The following NCOA7 variants were observed in gnomAD, a reference collection of about 807,000 sequenced individuals.
NCOA7 encodes the protein nuclear receptor coactivator 7, also known as 140 kDa estrogen receptor-associated protein.
A neutral mutation model predicts 104.3 loss-of-function variants in NCOA7; 45 were observed. The ratio of observed to expected loss-of-function variants is 0.43; its 90% CI spans 0.34 to 0.55. The LOEUF is 0.55. Ranked by LOEUF, NCOA7 falls within the 20% of genes least tolerant of loss-of-function variation. The pLI is 0.02. For synonymous variants in NCOA7, 398 were observed against 402.3 expected (o/e 0.99, Z 0.13); for missense variants, 1,041 against 1,119.7 (o/e 0.93, Z 1.00).
At chr6:125,882,329 A>C (rs1001431607) in intron 6 of NCOA7, 97 bp from the exon 7 acceptor site, 4 of 1,237,626 alleles carry the variant, frequency 3.2e-6, no homozygotes, top group Non-Finnish European at 4.5e-6. Context: ...TTAAATAGAA[A>C]TAGTATACTC....
rs138353590 is a variant in NCOA7, at chr6:125,840,027, G to A, written c.51-14993G>A. Among the ~76,000 whole-genome samples the A allele has an allele frequency of 5.3e-3, 799 of 151,948 alleles. 3 individuals carry two copies. The highest frequency in any genetic ancestry group is 8.0e-3 in the Non-Finnish European group (546 of 67,976). Reference sequence around the variant, plus strand: ...TCTTTCAGGAGGTGTTCCAGAAAAAGGCATTGTTATCATAGGAGAGGATAC... The same window carrying A: ...TCTTTCAGGAGGTGTTCCAGAAAAAAGCATTGTTATCATAGGAGAGGATAC... On this transcript the variant is annotated intron_variant, in intron 2 of 15. Transcript: ENST00000392477.
In NCOA7 at chr6:125,807,321, A is replaced by G. The variant is rs538713732; in HGVS notation, c.-64-7970A>G. ...CCATCCTGTTTGTTCTAATTTCCCT[A>G]TAGTGTGAGATCCCTAGCTAAATGC... On this transcript the variant is annotated intron_variant, in intron 1 of 15. Transcript: ENST00000392477. Among the ~76,000 whole-genome samples, 7 of 152,254 alleles carry G rather than the reference A, an allele frequency of 4.6e-5. No homozygotes were observed. The East Asian group carries it at 1.3e-3, about 29-fold the overall frequency.
intron 2 of NCOA7, among the ~76,000 whole-genome samples, chr6:125,819,227 C>T (rs1054982315): frequency 2.0e-4 from 30 of 151,886 alleles, no homozygotes; most frequent in African/African-American, 7.3e-4. Flanking sequence ...TTTGCCAAAC[C>T]TGTTTTGTTG....
At chr6:125,808,957 T>G (rs190793803) in intron 1 of NCOA7, among the ~76,000 whole-genome samples, 1 of 152,298 alleles carries the variant, frequency 6.6e-6, no homozygotes, top group African/African-American at 2.4e-5. Context: ...AGGCAGAGAA[T>G]AATGGAATAG....
intron 2 of NCOA7, among the ~76,000 whole-genome samples, chr6:125,828,269 C>G (rs1423237635): frequency 1.3e-5 from 2 of 152,148 alleles, no homozygotes; most frequent in Non-Finnish European, 2.9e-5. Flanking sequence ...GAGAGAATTT[C>G]AAGGAGCGAA....
chr6:125,901,657 C>T (rs1785516505), intron 10 of NCOA7, among the ~76,000 whole-genome samples: 1 of 152,200 alleles, frequency 6.6e-6, no homozygotes, highest in African/African-American at 2.4e-5. Flanking sequence ...AAACAGTGCT[C>T]TTTTAGCATT....
chr6:125,886,457 T>C (rs1784271189), intron 8 of NCOA7, among the ~76,000 whole-genome samples: 1 of 152,218 alleles, frequency 6.6e-6, no homozygotes. Context: ...TATTTAATAA[T>C]AGACAGTACA....
intron 3 of NCOA7, among the ~76,000 whole-genome samples, chr6:125,856,295 C>T (rs1314577477): frequency 6.6e-6 from 1 of 152,018 alleles, no homozygotes; most frequent in Non-Finnish European, 1.5e-5. Flanking sequence ...CAACTTGGTC[C>T]TCATTAATAC....
At chr6:125,901,288 G>A (rs1013142456) in intron 10 of NCOA7, among the ~76,000 whole-genome samples, 11 of 152,140 alleles carry the variant, frequency 7.2e-5, no homozygotes, top group Admixed American at 2.0e-4. Flanking sequence ...TGAGTTTCGG[G>A]ATTATATTTT....
chr6:125,845,041 C>T (rs941329841), intron 2 of NCOA7, among the ~76,000 whole-genome samples: 5 of 152,118 alleles, frequency 3.3e-5, no homozygotes, highest in South Asian at 4.1e-4. Flanking sequence ...TTTGGTAACT[C>T]GCCAAAGGAT....
intron 1 of NCOA7, among the ~76,000 whole-genome samples, chr6:125,782,064 T>C (rs1407448087): frequency 4.6e-5 from 7 of 152,208 alleles, no homozygotes; most frequent in Admixed American, 4.6e-4. Flanking sequence ...TAAGCCTTAG[T>C]ATTTAAAAAA....
intron 2 of NCOA7, among the ~76,000 whole-genome samples, chr6:125,835,923 T>G (rs1779573798): frequency 6.6e-6 from 1 of 152,234 alleles, no homozygotes; most frequent in African/African-American, 2.4e-5. Flanking sequence ...CAGTGAGTTT[T>G]TAGACACTGT....
At chr6:125,928,325 T>C in intron 15 of NCOA7, 78 bp downstream of exon 15, 1 of 1,310,168 alleles carries the variant, frequency 7.6e-7, no homozygotes, top group Non-Finnish European at 1.1e-6. Context: ...ACCTACGTAG[T>C]TAAAACTTCG....
chr6:125,919,438 TG>T (rs1787376865), intron 11 of NCOA7: 1 of 1,612,472 alleles, frequency 6.2e-7, no homozygotes, highest in South Asian at 1.1e-5. Context: ...GAAGGTATGT[TG>T]GAGTGCGTCC....
intron 1 of NCOA7, chr6:125,797,836 A>C (rs1216087930): frequency 6.6e-6 from 1 of 152,184 alleles, no homozygotes; most frequent in Non-Finnish European, 1.5e-5. Context: ...TCCCACTGAA[A>C]CAACTAGTCA....
chr6:125,857,489 C>T (rs1290693368), intron 3 of NCOA7, among the ~76,000 whole-genome samples: 1 of 151,480 alleles, frequency 6.6e-6, no homozygotes, highest in African/African-American at 2.4e-5. Flanking sequence ...TAAAATTGGT[C>T]TCAAGCTTCT....
At chr6:125,914,453 T>C (rs1024519797) in intron 10 of NCOA7, among the ~76,000 whole-genome samples, 11 of 152,194 alleles carry the variant, frequency 7.2e-5, no homozygotes, top group Non-Finnish European at 1.5e-5. Flanking sequence ...GAATTGTCGG[T>C]GGTATTTCTG....
At chr6:125,873,313 T>C (rs1025044072) in intron 3 of NCOA7, among the ~76,000 whole-genome samples, 1 of 152,188 alleles carries the variant, frequency 6.6e-6, no homozygotes, top group South Asian at 2.1e-4. Flanking sequence ...CTTCCCCCAC[T>C]TCACACTATT....
chr6:125,926,304 T>C, intron 13 of NCOA7, among the ~76,000 whole-genome samples: 1 of 135,360 alleles, frequency 7.4e-6, no homozygotes, highest in East Asian at 2.5e-4. Flanking sequence ...AGAGCAAGAC[T>C]CCATCTCAAA....
Sources: gnomAD v4.1 joint callset for allele counts (sites outside exome capture counted in the v4.1 genomes callset) on GRCh38, gnomAD v4.1.1 for gene constraint, MANE v1.5 for transcripts, NCBI Gene and HGNC (gene_info 2026-07-23, HGNC 2026-07-21) for gene names.